The following MYO6 variants were observed in gnomAD, a reference collection of about 807,000 sequenced individuals.
The protein encoded by MYO6 is myosin VI, also known as unconventional myosin-VI.
MYO6 carries 74 observed loss-of-function variants against 178.7 expected under a neutral mutation model. The ratio of observed to expected loss-of-function variants is 0.41; its 90% CI spans 0.34 to 0.50. The LOEUF is 0.50. Among genes scored for constraint, MYO6 ranks in the 20% least tolerant of loss-of-function variants. The pLI, the probability that MYO6 is intolerant of heterozygous loss-of-function variation, is 0.09. For missense variants in MYO6, 1,330 were observed against 1,547.4 expected, an observed-to-expected ratio of 0.86 and a Z score of 2.36; for synonymous variants, 477 against 504.6, an observed-to-expected ratio of 0.95 and a Z score of 0.73.
In MYO6 at chr6:75,894,761, A is replaced by G. The variant is rs144260679; in HGVS notation, c.3108-470A>G. On this transcript the variant is annotated intron_variant, in intron 28 of 34. Transcript: ENST00000369977. ...GGTTCTATGCTGTGTTAAAAAATGT[A>G]TATATTATAGATAGATTCTGCTTCA... The G allele has an allele frequency of 3.9e-4, 505 of 1,287,366 alleles. No individual in the cohort carries two copies. In the African/African-American group the frequency reaches 6.0e-3, roughly 15 times the overall value. 79.7% of individuals were successfully genotyped at this position (1,287,366 alleles called of 1,614,324 possible).
At chr6:75,753,455 G>GTGTATATATATATATATA (rs370647728) in intron 1 of MYO6, among the ~76,000 whole-genome samples, 19 of 140,048 alleles carry the variant, frequency 1.4e-4, no homozygotes, top group African/African-American at 5.1e-4. Context: ...GTGTGTGTGT[G>GTGTATATATATATATATA]TATATATATA....
intron 1 of MYO6, among the ~76,000 whole-genome samples, chr6:75,753,455 G>GTGTATATATA (rs370647728): frequency 1.1e-3 from 160 of 140,048 alleles, no homozygotes; most frequent in African/African-American, 4.1e-3. Flanking sequence ...GTGTGTGTGT[G>GTGTATATATA]TATATATATA....
At chr6:75,901,526 G>C (rs9350603) in intron 30 of MYO6, among the ~76,000 whole-genome samples, 1 of 151,972 alleles carries the variant, frequency 6.6e-6, no homozygotes, top group African/African-American at 2.4e-5. Flanking sequence ...CTCTCTGTTT[G>C]TCTGTTATTG....
At chr6:75,842,445 A>C (rs1774331061) in intron 9 of MYO6, among the ~76,000 whole-genome samples, 1 of 152,196 alleles carries the variant, frequency 6.6e-6, no homozygotes, top group South Asian at 2.1e-4. Flanking sequence ...TTTGAGAATC[A>C]TAACACACAT....
intron 30 of MYO6, among the ~76,000 whole-genome samples, chr6:75,901,928 G>A (rs1779810362): frequency 6.6e-6 from 1 of 152,044 alleles, no homozygotes; most frequent in Non-Finnish European, 1.5e-5. Flanking sequence ...AGAGTTTTTA[G>A]CATGAAGGGT....
At chr6:75,776,664 G>A (rs1305557587) in intron 1 of MYO6, among the ~76,000 whole-genome samples, 1 of 151,560 alleles carries the variant, frequency 6.6e-6, no homozygotes, top group South Asian at 2.1e-4. Context: ...GTGTGTGTGT[G>A]TGTGTGTGTG....
chr6:75,906,298 A>T (rs1780314783), intron 30 of MYO6, among the ~76,000 whole-genome samples: 1 of 152,166 alleles, frequency 6.6e-6, no homozygotes, highest in Admixed American at 6.5e-5. Context: ...TGCAAGTGTA[A>T]TCTTTTGCTG....
In MYO6 at chr6:75,828,479, T is replaced by C. The variant is rs1021425656; in HGVS notation, c.188-61T>C. 5.1e-6 allele frequency: 5 copies of C among 981,074 alleles called. No individual in the cohort carries two copies. In the African/African-American group the frequency reaches 6.4e-5, roughly 13 times the overall value. The allele number at this position is 981,074 out of a possible 1,614,324, so 60.8% of individuals were successfully genotyped here. Reference sequence around the variant, plus strand: ...GTCAAAGTGATTCAGATTAAGATAGTATTGCTTTATTTTATTTGTTTTCTT... The same window carrying C: ...GTCAAAGTGATTCAGATTAAGATAGCATTGCTTTATTTTATTTGTTTTCTT... On this transcript the variant is annotated intron_variant, in intron 3 of 34. Coordinates refer to ENST00000369977, the MANE Select transcript of MYO6 (RefSeq NM_004999.4).
chr6:75,789,096 T>C (rs1767970315), intron 1 of MYO6, among the ~76,000 whole-genome samples: 1 of 152,184 alleles, frequency 6.6e-6, no homozygotes. Flanking sequence ...GCTATTTAGA[T>C]GTCTAGTTTC....
chr6:75,872,420 C>T (rs929766563), intron 19 of MYO6, among the ~76,000 whole-genome samples: 13 of 152,240 alleles, frequency 8.5e-5, no homozygotes, highest in African/African-American at 2.9e-4. Flanking sequence ...TAGGGACCTA[C>T]TGTATGTTTT....
In MYO6 at chr6:75,913,828, G is replaced by T. The variant is rs1216259199; in HGVS notation, c.3440-235G>T. The stretch of plus-strand genomic sequence containing the variant: ...GTTGCTGGTAGTGGTGGTGGTAGTG[G>T]TATGTGTGTGTTTGTGTTGGCAATG... On this transcript the variant is annotated intron_variant, in intron 33 of 34. Coordinates refer to ENST00000369977, the MANE Select transcript of MYO6 (RefSeq NM_004999.4). Among the ~76,000 whole-genome samples, 3 of 152,074 alleles carry T rather than the reference G, an allele frequency of 2.0e-5. No homozygotes were observed. The South Asian group carries it at 6.2e-4, about 32-fold the overall frequency.
intron 1 of MYO6, among the ~76,000 whole-genome samples, chr6:75,762,012 AG>A (rs1180834406): frequency 3.3e-5 from 5 of 151,624 alleles, no homozygotes; most frequent in Non-Finnish European, 5.9e-5. Context: ...GCTCACTACA[AG>A]CCCCGCCTGC....
intron 29 of MYO6, 64 bp from the exon 30 acceptor site, chr6:75,898,309 C>A (rs1779462967): frequency 1.9e-6 from 2 of 1,068,358 alleles, no homozygotes; most frequent in Admixed American, 1.8e-5. Context: ...ACTTTTAGAT[C>A]TTTTAATTAA....
At chr6:75,814,799 C>CA (rs1771050075) in intron 1 of MYO6, among the ~76,000 whole-genome samples, 1 of 150,816 alleles carries the variant, frequency 6.6e-6, no homozygotes, top group South Asian at 2.1e-4. Flanking sequence ...GTCAAGGTTG[C>CA]AGTGAGCCAT....
chr6:75,881,249 A>G (rs1402799509), intron 22 of MYO6, among the ~76,000 whole-genome samples: 1 of 152,140 alleles, frequency 6.6e-6, no homozygotes, highest in Non-Finnish European at 1.5e-5. Flanking sequence ...AATGGGAGTT[A>G]GGAGAGACAG....
intron 1 of MYO6, among the ~76,000 whole-genome samples, chr6:75,806,738 A>ATCT (rs1273840380): frequency 2.0e-5 from 3 of 152,232 alleles, no homozygotes; most frequent in African/African-American, 7.2e-5. Flanking sequence ...GCAGATAACT[A>ATCT]GCCAGACCCA....
chr6:75,763,447 G>A (rs1321163), intron 1 of MYO6, among the ~76,000 whole-genome samples: 3,374 of 152,114 alleles, frequency 0.022, 131 homozygotes, highest in African/African-American at 0.077. Flanking sequence ...AATAAAATAC[G>A]GATTTTTCAC....
At chr6:75,852,241 A>AATATGTATAGAACCTAC (rs1775340961) in intron 11 of MYO6, among the ~76,000 whole-genome samples, 1 of 152,162 alleles carries the variant, frequency 6.6e-6, no homozygotes, top group African/African-American at 2.4e-5. Context: ...AATTTTAGGC[A>AATATGTATAGAACCTAC]ATATGTATAT....
intron 28 of MYO6, among the ~76,000 whole-genome samples, chr6:75,892,894 T>C (rs1215132334): frequency 1.3e-5 from 2 of 152,192 alleles, no homozygotes; most frequent in Admixed American, 1.3e-4. Context: ...TATTATTAAA[T>C]TGTTGACAAA....
Sources: gnomAD v4.1 joint callset for allele counts (sites outside exome capture counted in the v4.1 genomes callset) on GRCh38, gnomAD v4.1.1 for gene constraint, MANE v1.5 for transcripts, NCBI Gene and HGNC (gene_info 2026-07-23, HGNC 2026-07-21) for gene names.